The following ABCG2 variants were observed in gnomAD, a reference collection of about 807,000 sequenced individuals.
The protein encoded by ABCG2 is ATP binding cassette subfamily G member 2 (JR blood group).
ABCG2 carries 80 observed loss-of-function variants against 73.5 expected under a neutral mutation model. The observed-to-expected ratio is 1.09, with a 90% CI of 0.91 to 1.31. The LOEUF (loss-of-function observed/expected upper bound fraction) is 1.31. ABCG2 is among the 50% of genes most tolerant of loss of function. The pLI, the probability that ABCG2 is intolerant of heterozygous loss-of-function variation, is 0.00. For missense variants in ABCG2, 796 were observed against 786.2 expected (o/e 1.01, Z -0.15); for synonymous variants, 269 against 282.4 (o/e 0.95, Z 0.48).
chr4:88,166,346 T>C (rs1396638608), intron 1 of ABCG2, among the ~76,000 whole-genome samples: 1 of 152,198 alleles, frequency 6.6e-6, no homozygotes, highest in Non-Finnish European at 1.5e-5. Flanking sequence ...CATTTGTCTT[T>C]CCACAAAAGT....
intron 5 of ABCG2, among the ~76,000 whole-genome samples, chr4:88,123,398 G>A (rs1420413796): frequency 6.6e-6 from 1 of 151,986 alleles, no homozygotes; most frequent in East Asian, 1.9e-4. Flanking sequence ...CCCAATGCAA[G>A]GAAGCTAAGA....
intron 1 of ABCG2, among the ~76,000 whole-genome samples, chr4:88,169,861 A>G (rs1177486214): frequency 6.6e-6 from 1 of 152,142 alleles, no homozygotes; most frequent in Admixed American, 6.5e-5. Flanking sequence ...CTGTATTCCC[A>G]GCACTTTGAG....
chr4:88,171,923 C>A (rs145116246), intron 1 of ABCG2, among the ~76,000 whole-genome samples: 22 of 152,206 alleles, frequency 1.4e-4, no homozygotes, highest in African/African-American at 4.6e-4. Context: ...GAGTTCCAGG[C>A]CACAGTGTGC....
intron 1 of ABCG2, among the ~76,000 whole-genome samples, chr4:88,157,161 T>C (rs1028613126): frequency 7.9e-5 from 12 of 152,362 alleles, no homozygotes; most frequent in African/African-American, 2.4e-4. Context: ...ACTTTACTTC[T>C]GTGACATTTT....
At position 88,108,183 on chromosome 4, in the gene ABCG2, A is replaced by G. The variant is rs141635727; in HGVS notation, c.1195-917T>C. Among the ~76,000 whole-genome samples, 369 of 152,314 alleles carry G rather than the reference A, an allele frequency of 2.4e-3. 3 individuals carry two copies. The highest frequency in any genetic ancestry group is 8.6e-3 in the African/African-American group (359 of 41,584). On this transcript the variant is annotated intron_variant, in intron 9 of 15. Transcript: ENST00000237612. Reference sequence around the variant, plus strand: ...TAAGGGTTACGTTATGATATAATTTATCTGAGAAAATCCTATTTATATTTA... The same window carrying G: ...TAAGGGTTACGTTATGATATAATTTGTCTGAGAAAATCCTATTTATATTTA...
intron 5 of ABCG2, among the ~76,000 whole-genome samples, chr4:88,126,985 T>C (rs1724463976): frequency 6.6e-6 from 1 of 152,184 alleles, no homozygotes; most frequent in South Asian, 2.1e-4. Flanking sequence ...GGAAGTCAAA[T>C]TGTCTCTGTT....
At chr4:88,139,296 C>T (rs189825790) in intron 2 of ABCG2, among the ~76,000 whole-genome samples, 1 of 152,184 alleles carries the variant, frequency 6.6e-6, no homozygotes, top group African/African-American at 2.4e-5. Flanking sequence ...CTCACTTTGC[C>T]ACCTATTTGT....
At chr4:88,213,997 T>C (rs1250696838) in intron 1 of ABCG2, among the ~76,000 whole-genome samples, 1 of 141,206 alleles carries the variant, frequency 7.1e-6, no homozygotes, top group African/African-American at 2.7e-5. Flanking sequence ...TTTTTTTTTT[T>C]TTTTTTTTGA....
intron 1 of ABCG2, among the ~76,000 whole-genome samples, chr4:88,196,362 T>C (rs760731343): frequency 5.3e-5 from 8 of 152,188 alleles, no homozygotes; most frequent in Non-Finnish European, 2.9e-5. Flanking sequence ...AATCATCCCA[T>C]AAGTGGTGTC....
chr4:88,092,494 T>A, intron 15 of ABCG2, 113 bp from the exon 16 acceptor site: 3 of 1,108,668 alleles, frequency 2.7e-6, no homozygotes, highest in Non-Finnish European at 3.9e-6. Context: ...CTTTAATAAT[T>A]ACCCCTTCAG....
At chr4:88,199,704 T>C (rs1729075742) in intron 1 of ABCG2, among the ~76,000 whole-genome samples, 2 of 152,196 alleles carry the variant, frequency 1.3e-5, no homozygotes, top group African/African-American at 4.8e-5. Context: ...TTAAAAGTTA[T>C]TTTACTTTAT....
intron 6 of ABCG2, 132 bp from the exon 7 acceptor site, chr4:88,118,392 C>T (rs931121241): frequency 1.1e-6 from 1 of 924,486 alleles, no homozygotes; most frequent in Non-Finnish European, 1.6e-6. Flanking sequence ...CTTTTCATCT[C>T]ATATTATTTA....
chr4:88,114,910 G>T, intron 8 of ABCG2, 47 bp downstream of exon 8: 2 of 1,365,836 alleles, frequency 1.5e-6, no homozygotes, highest in Non-Finnish European at 2.1e-6. Flanking sequence ...CTAAACTTCA[G>T]CCAATTCAAT....
At chr4:88,142,948 A>C (rs1725741649) in intron 1 of ABCG2, among the ~76,000 whole-genome samples, 1 of 152,102 alleles carries the variant, frequency 6.6e-6, no homozygotes, top group Non-Finnish European at 1.5e-5. Flanking sequence ...ACCCCATCTC[A>C]AAAAAATTAA....
At chr4:88,112,315 C>G (rs1312515004) in intron 9 of ABCG2, among the ~76,000 whole-genome samples, 1 of 152,148 alleles carries the variant, frequency 6.6e-6, no homozygotes, top group African/African-American at 2.4e-5. Flanking sequence ...GCACTTTGCA[C>G]ACAGGCTCTT....
chr4:88,102,595 C>CAA (rs11373616), intron 10 of ABCG2, among the ~76,000 whole-genome samples: 1,428 of 137,806 alleles, frequency 0.01, 19 homozygotes, highest in African/African-American at 0.032. Context: ...GACACTGTCT[C>CAA]AAAAAAAAAA....
At chr4:88,133,981 G>C (rs955562729) in intron 2 of ABCG2, among the ~76,000 whole-genome samples, 2 of 150,522 alleles carry the variant, frequency 1.3e-5, no homozygotes, top group Admixed American at 6.6e-5. Context: ...CTGGGCAACA[G>C]AGCAAGACTC....
chr4:88,199,032 A>C (rs1729048118), intron 1 of ABCG2, among the ~76,000 whole-genome samples: 2 of 151,990 alleles, frequency 1.3e-5, no homozygotes, highest in South Asian at 4.2e-4. Context: ...GCAGTGGCGC[A>C]ATCTCAGCTC....
intron 1 of ABCG2, among the ~76,000 whole-genome samples, chr4:88,198,550 T>C (rs1367842827): frequency 6.6e-6 from 1 of 152,064 alleles, no homozygotes; most frequent in Admixed American, 6.6e-5. Context: ...GGAGGATCAC[T>C]TGAGCCCAGG....
Sources: gnomAD v4.1 joint callset for allele counts (sites outside exome capture counted in the v4.1 genomes callset) on GRCh38, gnomAD v4.1.1 for gene constraint, MANE v1.5 for transcripts, NCBI Gene and HGNC (gene_info 2026-07-23, HGNC 2026-07-21) for gene names.